The following CAPN15 variants were observed in gnomAD, a reference collection of about 807,000 sequenced individuals.
The protein encoded by CAPN15 is calpain 15, also known as calpain-15.
A neutral mutation model predicts 97.9 loss-of-function variants in CAPN15; 53 were observed. That is an observed-to-expected ratio of 0.54 (90% CI 0.43 to 0.68). The LOEUF is 0.68. CAPN15 is among the 30% of genes least tolerant of loss of function. The probability of loss-of-function intolerance (pLI) is 0.00; values close to 1 mark genes in which losing one functional copy is unlikely to be tolerated. For synonymous variants in CAPN15, 922 were observed against 722.5 expected (o/e 1.28, Z -4.43); for missense variants, 1,592 against 1,589.8 (o/e 1.00, Z -0.02).
Position 549,420 on chromosome 16 carries a change from G to C in CAPN15, c.1791G>C (p.Leu597=), listed in dbSNP as rs779575432. The C allele has an allele frequency of 5.6e-6, 9 of 1,599,738 alleles. No individual in the cohort carries two copies. In the South Asian group the frequency reaches 1.0e-4, roughly 18 times the overall value. ...AGGACGGCACGTGGACCACGGTGCT[G>C]GTGGACGACATGCTGCCCTGTGATG... ...LCKDGTWTTV[L]VDDMLPCDEA... Residue 597 remains leucine (L), a synonymous_variant, in exon 6 of 14, where the codon CTG becomes CTC. Transcript: ENST00000219611.
chr16:530,450 T>G (rs1197794366), intron 1 of CAPN15, among the ~76,000 whole-genome samples: 1 of 152,248 alleles, frequency 6.6e-6, no homozygotes, highest in Admixed American at 6.5e-5. Context: ...GCAGCCCCTG[T>G]GGCGTGGACA....
intron 1 of CAPN15, chr16:528,764 C>A: frequency 1.0e-6 from 1 of 985,308 alleles, no homozygotes; most frequent in South Asian, 4.7e-5. Flanking sequence ...GAACCTGAGG[C>A]CAGGCCTGGG....
At position 547,287 on chromosome 16, in the gene CAPN15, C is replaced by T. The variant is rs992861608; in HGVS notation, c.449C>T (p.Pro150Leu). 25 of 1,511,078 alleles carry T rather than the reference C, an allele frequency of 1.7e-5. 1 individual carries two copies. Among genetic ancestry groups the T allele is most frequent in the Non-Finnish European group, 2.2e-5 (25 of 1,134,258 alleles). 93.6% of individuals were successfully genotyped at this position (1,511,078 alleles called of 1,614,324 possible). Residue 150 changes from proline (P) to leucine (L), a missense_variant, in exon 4 of 14, where the codon CCG (proline) becomes CTG (leucine). Coordinates refer to ENST00000219611, the MANE Select transcript of CAPN15 (RefSeq NM_005632.3). ...AAEPRGGWACPRCTLHNTPVA... is the reference protein window; with the variant it reads ...AAEPRGGWACLRCTLHNTPVA... ...GAGCCCAGAGGGGGCTGGGCGTGTC[C>T]GCGTTGCACGCTGCACAACACGCCC...
intron 3 of CAPN15, among the ~76,000 whole-genome samples, chr16:545,643 G>A (rs573261778): frequency 7.9e-4 from 121 of 152,352 alleles, no homozygotes; most frequent in African/African-American, 2.8e-3. Context: ...CTGGGGACCC[G>A]GGTTCTCATT....
At chr16:528,622 C>A in intron 1 of CAPN15, 1 of 615,806 alleles carries the variant, frequency 1.6e-6, no homozygotes, top group Non-Finnish European at 2.0e-6. Context: ...AGGGGCCCCT[C>A]TAGTCCTGAC....
At chr16:539,984 C>T (rs1012138680) in intron 3 of CAPN15, 26 of 744,076 alleles carry the variant, frequency 3.5e-5, no homozygotes, top group African/African-American at 1.1e-4. Context: ...CTACCCCAGG[C>T]GGCTGGGCAT....
intron 3 of CAPN15, chr16:537,345 G>A: frequency 2.0e-6 from 2 of 985,574 alleles, no homozygotes; most frequent in South Asian, 9.4e-5. Context: ...CACCACTTCT[G>A]CCTTGGGCCT....
chr16:530,002 T>G (rs1457496003), intron 1 of CAPN15, among the ~76,000 whole-genome samples: 1 of 152,156 alleles, frequency 6.6e-6, no homozygotes, highest in Non-Finnish European at 1.5e-5. Context: ...ACAGCAGGAG[T>G]GCCCAGAAGC....
At position 537,370 on chromosome 16, in the gene CAPN15, G is replaced by A. The variant is rs911024784; in HGVS notation, c.-23+1228G>A. ...GCCTTGGGCCTAAAGGCATCAGTGA[G>A]GAGCAGGCGGGGCCTGGTAGGAGCC... is the stretch of plus-strand genomic sequence containing the variant. On this transcript the variant is annotated intron_variant, in intron 3 of 13. Coordinates refer to ENST00000219611, the MANE Select transcript of CAPN15 (RefSeq NM_005632.3). The A allele has an allele frequency of 2.4e-5, 24 of 985,504 alleles. 1 individual carries two copies. The highest frequency in any genetic ancestry group is 2.8e-5 in the Non-Finnish European group (23 of 830,028). 61.0% of individuals were successfully genotyped at this position (985,504 alleles called of 1,614,324 possible).
chr16:534,063 G>C, intron 2 of CAPN15, 65 bp downstream of exon 2: 1 of 856,018 alleles, frequency 1.2e-6, no homozygotes, highest in South Asian at 5.3e-5. Context: ...ACTGTTTGTG[G>C]AGCAGCAGGG....
intron 1 of CAPN15, among the ~76,000 whole-genome samples, chr16:530,230 A>G (rs2033154614): frequency 1.3e-5 from 2 of 152,024 alleles, no homozygotes. Flanking sequence ...CAGCACTTAC[A>G]CTTGGGACCG....
At chr16:548,352 C>T in intron 4 of CAPN15, 65 bp downstream of exon 4, 1 of 1,394,222 alleles carries the variant, frequency 7.2e-7, no homozygotes, top group Non-Finnish European at 9.4e-7. Flanking sequence ...CCTTCCTAGG[C>T]TTTGGGCTCT....
chr16:552,057 C>T lies in CAPN15; in HGVS notation c.2352C>T (p.Phe784=), dbSNP rs147299088. 1.0e-3 allele frequency: 1,618 copies of T among 1,548,520 alleles called. 1 individual carries two copies. The highest frequency in any genetic ancestry group is 1.2e-3 in the Non-Finnish European group (1,419 of 1,146,668). ...GTCCTCCCGCCACCTGCAGGTACTTCGACTCCGTGGACATCTGTAAGGTGC... is the reference window on the plus strand; with the variant it reads ...GTCCTCCCGCCACCTGCAGGTACTTTGACTCCGTGGACATCTGTAAGGTGC... ...WMEYGDFVRY[F]DSVDICKVHS... Residue 784 remains phenylalanine (F), a synonymous_variant, in exon 10 of 14, where the codon TTC becomes TTT. Coordinates refer to ENST00000219611, the MANE Select transcript of CAPN15 (RefSeq NM_005632.3). This position sits in a 1 kb window ranked among gnomAD's most constrained non-coding sequence, Gnocchi z 6.4.
intron 4 of CAPN15, 54 bp from the exon 5 acceptor site, chr16:548,939 A>G (rs1706015061): frequency 6.5e-7 from 1 of 1,545,848 alleles, no homozygotes; most frequent in Non-Finnish European, 8.9e-7. Context: ...TGTCCCTGCC[A>G]GGTGGAGCGA....
chr16:546,296 A>G (rs2034580112), intron 3 of CAPN15, among the ~76,000 whole-genome samples: 1 of 152,140 alleles, frequency 6.6e-6, no homozygotes, highest in Non-Finnish European at 1.5e-5. Context: ...CCATATTTAC[A>G]AGAACAATTG....
intron 2 of CAPN15, among the ~76,000 whole-genome samples, 161 bp downstream of exon 2, chr16:534,159 C>T (rs1232410292): frequency 3.4e-5 from 1 of 29,384 alleles, no homozygotes; most frequent in Non-Finnish European, 5.0e-5. Flanking sequence ...CCCTGAAGAG[C>T]CTCGTTCTCC....
Position 547,770 on chromosome 16 carries a change from A to G in CAPN15, c.932A>G (p.Glu311Gly), listed in dbSNP as rs2034698055. 1.9e-6 allele frequency: 3 copies of G among 1,610,432 alleles called. No individual in the cohort carries two copies. Among genetic ancestry groups the G allele is most frequent in the Admixed American group, 3.3e-5 (2 of 59,810 alleles). The change falls in exon 4 of 14, where the codon GAG (glutamate) becomes GGG (glycine). Residue 311 changes from glutamate (E) to glycine (G), a missense_variant. Physicochemically the swap from Glu to Gly is moderately conservative, Grantham distance 98 (BLOSUM62 -2). Around this residue, in one of 3 missense-constraint regions of CAPN15, gnomAD observed 883 missense variants for 776.6 expected, o/e 1.14. Coordinates refer to ENST00000219611, the MANE Select transcript of CAPN15 (RefSeq NM_005632.3). ...ACGGAGGGTGGCACCAGCCGCGTAG[A>G]GGCCGGCAGCTCCACCTCGGGCAGT... The part of the protein sequence containing the change: ...EATEGGTSRV[E>G]AGSSTSGSDI...
At chr16:533,356 G>A (rs998136875) in intron 1 of CAPN15, among the ~76,000 whole-genome samples, 4 of 152,242 alleles carry the variant, frequency 2.6e-5, no homozygotes, top group African/African-American at 2.4e-5. Context: ...CAGTGGGTCC[G>A]CCATGGAGAG....
In CAPN15 at chr16:532,725, C is replaced by T. The variant is rs1024583292; in HGVS notation, c.-189-1221C>T. ...AAAATTAGCCGGGCCTGGTGGCAGG[C>T]GCCTGTAGTCCCAGCTACTCGGGAG... On this transcript the variant is annotated intron_variant, in intron 1 of 13. Transcript: ENST00000219611. 4.0e-5 allele frequency among the ~76,000 whole-genome samples: 6 copies of T among 151,338 alleles called. No homozygotes were observed. The South Asian group carries it at 6.3e-4, about 16-fold the overall frequency.
Sources: allele counts gnomAD v4.1 joint callset (sites outside exome capture counted in the v4.1 genomes callset), GRCh38; gene constraint gnomAD v4.1.1; regional missense constraint gnomAD v4.1.1; non-coding constraint Gnocchi (gnomAD v3.1); transcripts MANE v1.5; gene names NCBI Gene and HGNC (gene_info 2026-07-23, HGNC 2026-07-21).